CTIF: variants seen among roughly 807,000 people sequenced by gnomAD.
The protein encoded by CTIF is cap binding complex dependent translation initiation factor, also known as CBP80/20-dependent translation initiation factor.
In CTIF, 21 loss-of-function variants were observed where a neutral mutation model predicts 66.0. The observed-to-expected ratio is 0.32, with a 90% CI of 0.23 to 0.46. The LOEUF (loss-of-function observed/expected upper bound fraction) is 0.46. Among genes scored for constraint, CTIF ranks in the 20% least tolerant of loss-of-function variants. The pLI is 1.00. For missense variants in CTIF, 739 were observed against 812.7 expected (o/e 0.91, Z 1.10); for synonymous variants, 345 against 326.4 (o/e 1.06, Z -0.62).
At chr18:48,795,683 G>T (rs559669136) in intron 9 of CTIF, among the ~76,000 whole-genome samples, 73 of 152,310 alleles carry the variant, frequency 4.8e-4, no homozygotes, top group African/African-American at 1.7e-3. Flanking sequence ...TGGTTCCCCA[G>T]AATCAAGTTC....
rs568828073 is a variant in CTIF, at chr18:48,674,490, A to G, written c.507+3746A>G. ...GGTTACACACAGAGCGCATGCCACAATGAGTGGTTTTAGGAGGTGATGCCT... is the reference window on the plus strand; with the variant it reads ...GGTTACACACAGAGCGCATGCCACAGTGAGTGGTTTTAGGAGGTGATGCCT... On this transcript the variant is annotated intron_variant, in intron 6 of 11. Coordinates refer to ENST00000256413, the MANE Select transcript of CTIF (RefSeq NM_014772.3). 1.7e-4 allele frequency among the ~76,000 whole-genome samples: 26 copies of G among 152,302 alleles called. No individual in the cohort carries two copies. The South Asian group carries it at 4.4e-3, about 26-fold the overall frequency.
chr18:48,669,757 TACAC>T (rs1179571180), intron 5 of CTIF, among the ~76,000 whole-genome samples: 4 of 127,654 alleles, frequency 3.1e-5, no homozygotes, highest in South Asian at 2.6e-4. Context: ...ACAAGAAATA[TACAC>T]ACACACATTT....
intron 1 of CTIF, among the ~76,000 whole-genome samples, chr18:48,594,588 C>T (rs1262951051): frequency 6.6e-6 from 1 of 152,192 alleles, no homozygotes; most frequent in Non-Finnish European, 1.5e-5. Context: ...CCAACCCTCC[C>T]TCCATCCCGG....
At chr18:48,579,617 C>A (rs1167435667) in intron 1 of CTIF, among the ~76,000 whole-genome samples, 1 of 152,186 alleles carries the variant, frequency 6.6e-6, no homozygotes, top group Non-Finnish European at 1.5e-5. Flanking sequence ...TGCTAGCCTG[C>A]CTCAAAGTAC....
intron 1 of CTIF, chr18:48,567,139 A>G (rs1412876329): frequency 2.0e-5 from 3 of 152,222 alleles, no homozygotes; most frequent in Admixed American, 2.0e-4. Flanking sequence ...TTATGATAGC[A>G]GAAGTCTTTC....
At chr18:48,609,014 C>T (rs1463505887) in intron 1 of CTIF, among the ~76,000 whole-genome samples, 1 of 152,244 alleles carries the variant, frequency 6.6e-6, no homozygotes, top group Non-Finnish European at 1.5e-5. Flanking sequence ...TCCTAGCATG[C>T]TCCAAGTTAA....
intron 5 of CTIF, among the ~76,000 whole-genome samples, chr18:48,669,790 C>CATTTAT (rs1555669145): frequency 3.1e-4 from 11 of 35,970 alleles, no homozygotes; most frequent in African/African-American, 8.2e-4. Context: ...ACAAGCTAAA[C>CATTTAT]ATTTATATAT....
chr18:48,694,818 G>A (rs1460907900), intron 6 of CTIF, among the ~76,000 whole-genome samples: 4 of 152,200 alleles, frequency 2.6e-5, no homozygotes, highest in African/African-American at 4.8e-5. Flanking sequence ...AGTTGGAGTC[G>A]ATTGTCTAAT....
intron 6 of CTIF, among the ~76,000 whole-genome samples, chr18:48,687,080 C>T (rs575529645): frequency 3.3e-5 from 5 of 152,020 alleles, no homozygotes; most frequent in South Asian, 4.2e-4. Context: ...GGAAGAAGGT[C>T]GGAAGACTGA....
rs16949844 is a variant in CTIF at position 48,711,707 on chromosome 18, T to A, written c.584+12T>A. 2,613 of 1,611,572 alleles carry A rather than the reference T, an allele frequency of 1.6e-3. 38 individuals are homozygous for A. The African/African-American group carries it at 0.027, about 17-fold the overall frequency. ...AGAAATGATCGAAGGTAGGAGAGACTTCGTCGTGAGCTTTGGGTTTTCCTT... is the reference window on the plus strand; with the variant it reads ...AGAAATGATCGAAGGTAGGAGAGACATCGTCGTGAGCTTTGGGTTTTCCTT... On this transcript the variant is annotated intron_variant, in intron 7 of 11. Coordinates refer to ENST00000256413, the MANE Select transcript of CTIF (RefSeq NM_014772.3).
chr18:48,620,586 C>T (rs892612456), intron 2 of CTIF, among the ~76,000 whole-genome samples: 1 of 152,100 alleles, frequency 6.6e-6, no homozygotes, highest in Non-Finnish European at 1.5e-5. Flanking sequence ...GCTGTTGCCT[C>T]GGGAATGTTG....
chr18:48,823,137 C>T (rs2068516639), intron 10 of CTIF, among the ~76,000 whole-genome samples: 1 of 151,984 alleles, frequency 6.6e-6, no homozygotes, highest in Non-Finnish European at 1.5e-5. Flanking sequence ...CTGATTATTT[C>T]CTTTGCTGTG....
intron 5 of CTIF, among the ~76,000 whole-genome samples, chr18:48,665,911 T>C (rs989844404): frequency 2.0e-5 from 3 of 152,226 alleles, no homozygotes; most frequent in Admixed American, 1.3e-4. Context: ...CTTTTGGCTA[T>C]TGTCAAAAAT....
intron 9 of CTIF, among the ~76,000 whole-genome samples, chr18:48,787,845 G>A (rs918406660): frequency 2.6e-5 from 4 of 152,186 alleles, no homozygotes; most frequent in South Asian, 4.1e-4. Context: ...CAGTTCCCCA[G>A]CACCCTGAGG....
chr18:48,674,184 C>T (rs183410221), intron 6 of CTIF, among the ~76,000 whole-genome samples: 6 of 152,254 alleles, frequency 3.9e-5, no homozygotes, highest in South Asian at 2.1e-4. Context: ...CAGTTCCCCA[C>T]GAGAGGCACA....
At chr18:48,580,490 A>G (rs1377091493) in intron 1 of CTIF, among the ~76,000 whole-genome samples, 1 of 152,168 alleles carries the variant, frequency 6.6e-6, no homozygotes, top group Non-Finnish European at 1.5e-5. Context: ...CAGTGGTAAC[A>G]TCCTTGTCAC....
chr18:48,810,830 C>A (rs2068244248), intron 9 of CTIF, among the ~76,000 whole-genome samples: 1 of 151,074 alleles, frequency 6.6e-6, no homozygotes, highest in South Asian at 2.1e-4. Context: ...TATATAAAAC[C>A]TTATAATTTT....
In CTIF at chr18:48,778,410, A is replaced by G. The variant is rs548159581; in HGVS notation, c.1371+16721A>G. On this transcript the variant is annotated intron_variant, in intron 9 of 11. Transcript: ENST00000256413. ...CAAGCTAACTTAGAACAAGCATTCA[A>G]TCCCCCAGAAAATGCACCGGGGAAA... is the stretch of plus-strand genomic sequence containing the variant. Among the ~76,000 whole-genome samples the G allele has an allele frequency of 7.9e-5, 12 of 152,292 alleles. No individual in the cohort carries two copies. The East Asian group carries it at 2.3e-3, about 29-fold the overall frequency.
At chr18:48,722,229 T>TTG (rs1348314636) in intron 7 of CTIF, among the ~76,000 whole-genome samples, 1 of 130,476 alleles carries the variant, frequency 7.7e-6, no homozygotes, top group Non-Finnish European at 1.6e-5. Context: ...TTTTTTTTTT[T>TTG]TGTGAGACAG....
Sources: allele counts gnomAD v4.1 joint callset (sites outside exome capture counted in the v4.1 genomes callset), GRCh38; gene constraint gnomAD v4.1.1; transcripts MANE v1.5; gene names NCBI Gene and HGNC (gene_info 2026-07-23, HGNC 2026-07-21).